CAPZA1: variants seen among roughly 807,000 people sequenced by gnomAD.
The protein encoded by CAPZA1 is capping actin protein of muscle Z-line subunit alpha 1.
A neutral mutation model predicts 40.8 loss-of-function variants in CAPZA1; 10 were observed. The observed-to-expected ratio is 0.25, with a 90% CI of 0.15 to 0.42. CAPZA1 has a LOEUF of 0.42. Ranked by LOEUF, CAPZA1 falls within the 10% of genes least tolerant of loss-of-function variation. CAPZA1 has a pLI of 1.00. For synonymous variants in CAPZA1, 98 were observed against 115.0 expected (o/e 0.85, Z 0.95); for missense variants, 277 against 353.8 (o/e 0.78, Z 1.74).
intron 7 of CAPZA1, among the ~76,000 whole-genome samples, chr1:112,664,230 C>CAAAA (rs570249032): frequency 9.1e-6 from 1 of 110,482 alleles, no homozygotes; most frequent in African/African-American, 3.4e-5. Context: ...GACACTGTCT[C>CAAAA]AAAAAAAAAA....
intron 1 of CAPZA1, among the ~76,000 whole-genome samples, chr1:112,622,360 A>T (rs909486045): frequency 6.6e-6 from 1 of 152,196 alleles, no homozygotes; most frequent in Non-Finnish European, 1.5e-5. Context: ...AGGAAGTTGA[A>T]AGTGTAATAA....
At chr1:112,621,789 T>G (rs2101132379) in intron 1 of CAPZA1, among the ~76,000 whole-genome samples, 1 of 132,614 alleles carries the variant, frequency 7.5e-6, no homozygotes, top group African/African-American at 2.9e-5. Flanking sequence ...TGAGATGGAG[T>G]CTCGCTCTGT....
At chr1:112,638,995 TTATA>T (rs904214937) in intron 1 of CAPZA1, among the ~76,000 whole-genome samples, 3 of 148,138 alleles carry the variant, frequency 2.0e-5, no homozygotes, top group African/African-American at 7.4e-5. Context: ...TAATATATAA[TTATA>T]TATTATATAA....
intron 1 of CAPZA1, among the ~76,000 whole-genome samples, chr1:112,640,632 A>G (rs1333641925): frequency 7.0e-4 from 87 of 124,346 alleles, no homozygotes; most frequent in East Asian, 1.6e-3. Flanking sequence ...CAGCCGCCCC[A>G]TCCGGGACGT....
At chr1:112,659,443 T>G (rs1671558752) in intron 6 of CAPZA1, 1 of 538,828 alleles carries the variant, frequency 1.9e-6, no homozygotes, top group Non-Finnish European at 3.3e-6. Context: ...AGGCATGGTT[T>G]TCCATTTCAA....
chr1:112,665,178 G>GT (rs55776312), intron 7 of CAPZA1, among the ~76,000 whole-genome samples: 91,753 of 128,888 alleles, frequency 0.71, 33,193 homozygotes, highest in South Asian at 0.87. Flanking sequence ...GTTTTTTTGT[G>GT]TTTTTTTTTT....
At chr1:112,641,226 A>T (rs11102518) in intron 1 of CAPZA1, among the ~76,000 whole-genome samples, 93,766 of 151,224 alleles carry the variant, frequency 0.62, 30,513 homozygotes, top group South Asian at 0.85. Context: ...AATAAAAAAA[A>T]AAATAAATAA....
rs1413128994 is a variant in CAPZA1, at chr1:112,621,766, T to TG, written c.39+1883_39+1884insG. Among the ~76,000 whole-genome samples the TG allele has an allele frequency of 2.1e-4, 31 of 148,894 alleles. No individual in the cohort carries two copies. In the South Asian group the frequency reaches 6.3e-3, roughly 30 times the overall value. On this transcript the variant is annotated intron_variant, in intron 1 of 9. Transcript: ENST00000263168. Reference sequence around the variant, plus strand: ...CATTAATGTCTTGGGTTATGGTTTTTTTTTTTTTTTTTTGAGATGGAGTCT... The same window carrying TG: ...CATTAATGTCTTGGGTTATGGTTTTTGTTTTTTTTTTTTTGAGATGGAGTCT...
intron 7 of CAPZA1, among the ~76,000 whole-genome samples, chr1:112,665,914 G>T (rs1033461174): frequency 1.3e-5 from 2 of 152,142 alleles, no homozygotes; most frequent in African/African-American, 4.8e-5. Flanking sequence ...TCCAATAGCA[G>T]CTCCTTCGTT....
chr1:112,659,582 CTCTCT>C (rs1671562198), intron 6 of CAPZA1, 114 bp from the exon 7 acceptor site: 3 of 426,666 alleles, frequency 7.0e-6, no homozygotes, highest in Non-Finnish European at 7.5e-6. Context: ...GTTTCTCTCT[CTCTCT>C]TTTTTTTTTT....
intron 7 of CAPZA1, among the ~76,000 whole-genome samples, chr1:112,662,998 C>T (rs1379019352): frequency 6.6e-6 from 1 of 151,750 alleles, no homozygotes; most frequent in African/African-American, 2.4e-5. Flanking sequence ...TGGAGTCTTG[C>T]TCTGTCGCCA....
intron 1 of CAPZA1, among the ~76,000 whole-genome samples, chr1:112,623,374 T>G (rs1670723090): frequency 6.6e-6 from 1 of 152,186 alleles, no homozygotes; most frequent in Admixed American, 6.5e-5. Context: ...GGTATTCATA[T>G]AATCTGTTAA....
intron 2 of CAPZA1, among the ~76,000 whole-genome samples, 192 bp downstream of exon 2, chr1:112,647,465 A>G (rs1344730417): frequency 2.0e-5 from 3 of 152,250 alleles, no homozygotes; most frequent in Non-Finnish European, 4.4e-5. Context: ...GGTCTGAGTG[A>G]AAATAAAGCT....
intron 7 of CAPZA1, 75 bp from the exon 8 acceptor site, chr1:112,666,999 G>A: frequency 3.0e-6 from 3 of 986,182 alleles, no homozygotes; most frequent in South Asian, 1.5e-5. Flanking sequence ...ATAGCTTAAA[G>A]CATGGATTTG....
intron 5 of CAPZA1, among the ~76,000 whole-genome samples, chr1:112,657,710 G>C (rs980207535): frequency 1.3e-5 from 2 of 152,026 alleles, no homozygotes; most frequent in African/African-American, 4.8e-5. Flanking sequence ...TCCTGCCTCA[G>C]CCTCTCTAGT....
At chr1:112,642,520 C>T (rs1191512549) in intron 1 of CAPZA1, among the ~76,000 whole-genome samples, 1 of 152,004 alleles carries the variant, frequency 6.6e-6, no homozygotes. Context: ...TGGCCGACCA[C>T]CCTCTTTTTA....
At chr1:112,640,706 C>T (rs957328093) in intron 1 of CAPZA1, among the ~76,000 whole-genome samples, 4 of 152,248 alleles carry the variant, frequency 2.6e-5, no homozygotes, top group Non-Finnish European at 5.9e-5. Context: ...TGGCCACCGC[C>T]CCGTCTGGGA....
At chr1:112,628,054 C>T (rs1175585340) in intron 1 of CAPZA1, among the ~76,000 whole-genome samples, 1 of 152,098 alleles carries the variant, frequency 6.6e-6, no homozygotes, top group Admixed American at 6.6e-5. Flanking sequence ...TGTTGAAAAA[C>T]ATGGCTCTAG....
intron 1 of CAPZA1, among the ~76,000 whole-genome samples, chr1:112,636,005 G>A (rs975734048): frequency 6.6e-6 from 1 of 152,124 alleles, no homozygotes; most frequent in Non-Finnish European, 1.5e-5. Context: ...CTCCAGCCTC[G>A]GTGACAGAGC....
Sources: gnomAD v4.1 joint callset for allele counts (sites outside exome capture counted in the v4.1 genomes callset) on GRCh38, gnomAD v4.1.1 for gene constraint, MANE v1.5 for transcripts, NCBI Gene and HGNC (gene_info 2026-07-23, HGNC 2026-07-21) for gene names.